The following TENM3 variants were observed in gnomAD, a reference collection of about 807,000 sequenced individuals.
The protein encoded by TENM3 is teneurin-3.
In TENM3, 63 loss-of-function variants were observed where a neutral mutation model predicts 255.1. The observed-to-expected ratio is 0.25, with a 90% confidence interval of 0.20 to 0.30. TENM3 has a LOEUF of 0.30. Ranked by LOEUF, TENM3 falls within the 10% of genes least tolerant of loss-of-function variation. The pLI is 1.00. For synonymous variants in TENM3, 1,306 were observed against 1,322.3 expected, an observed-to-expected ratio of 0.99 and a Z score of 0.27; for missense variants, 2,929 against 3,461.1, an observed-to-expected ratio of 0.85 and a Z score of 3.86.
intron 6 of TENM3, among the ~76,000 whole-genome samples, chr4:182,668,323 C>G (rs576866007): frequency 4.0e-4 from 61 of 152,166 alleles, no homozygotes; most frequent in Non-Finnish European, 7.4e-5. Context: ...TAAAGAAAGT[C>G]AACACATGAA....
chr4:182,541,434 T>A (rs1207100300), intron 3 of TENM3, among the ~76,000 whole-genome samples: 1 of 152,192 alleles, frequency 6.6e-6, no homozygotes, highest in African/African-American at 2.4e-5. Context: ...AACACAATCA[T>A]CCAACAATAT....
At chr4:182,559,247 T>G (rs189216867) in intron 3 of TENM3, among the ~76,000 whole-genome samples, 1 of 151,960 alleles carries the variant, frequency 6.6e-6, no homozygotes, top group East Asian at 1.9e-4. Context: ...AGATATTAAT[T>G]AATCCTGAGA....
the TENM3 span, among the ~76,000 whole-genome samples, chr4:181,520,423 A>ATG: frequency 2.0e-5 from 3 of 151,816 alleles, no homozygotes; most frequent in South Asian, 2.1e-4. Context: ...GTGTGTGTGT[A>ATG]TGTGTGTGTG....
the TENM3 span, among the ~76,000 whole-genome samples, chr4:181,825,761 G>T: frequency 1.3e-5 from 2 of 152,126 alleles, no homozygotes; most frequent in African/African-American, 4.8e-5. Context: ...ATAAAATGTG[G>T]TGAACATATG....
At chr4:181,696,435 T>C in the TENM3 span, among the ~76,000 whole-genome samples, 1 of 152,094 alleles carries the variant, frequency 6.6e-6, no homozygotes, top group African/African-American at 2.4e-5. Context: ...TACATGAAAA[T>C]TGTATTAGGA....
At chr4:181,899,595 GTCTC>G in the TENM3 span, among the ~76,000 whole-genome samples, 2 of 151,848 alleles carry the variant, frequency 1.3e-5, no homozygotes, top group East Asian at 3.9e-4. Context: ...TTGAGACAGA[GTCTC>G]TCTCTGTCAC....
At chr4:182,448,503 A>C (rs1397383705) in intron 3 of TENM3, among the ~76,000 whole-genome samples, 1 of 152,156 alleles carries the variant, frequency 6.6e-6, no homozygotes, top group Non-Finnish European at 1.5e-5. Flanking sequence ...GGGACGCATG[A>C]ATGGTGGCAG....
the TENM3 span, among the ~76,000 whole-genome samples, chr4:181,909,662 A>G: frequency 6.6e-6 from 1 of 152,204 alleles, no homozygotes; most frequent in Non-Finnish European, 1.5e-5. Context: ...TTAAAAAGCA[A>G]TATGATGCAA....
the TENM3 span, among the ~76,000 whole-genome samples, chr4:181,590,319 A>G: frequency 6.6e-6 from 1 of 152,272 alleles, no homozygotes; most frequent in South Asian, 2.1e-4. Context: ...CTCGAAGGAA[A>G]TTTCTACTTT....
intron 6 of TENM3, among the ~76,000 whole-genome samples, chr4:182,671,391 A>G (rs1755202466): frequency 6.6e-6 from 1 of 152,206 alleles, no homozygotes; most frequent in South Asian, 2.1e-4. Context: ...TTCCACGGCC[A>G]TGCTTGTGAT....
the TENM3 span, among the ~76,000 whole-genome samples, chr4:181,946,634 C>A: frequency 5.3e-5 from 8 of 152,118 alleles, no homozygotes; most frequent in African/African-American, 7.2e-5. Flanking sequence ...TTTATATCTC[C>A]CCTAGGTCCT....
chr4:182,600,641 C>T (rs762316571), intron 3 of TENM3, among the ~76,000 whole-genome samples: 104 of 151,788 alleles, frequency 6.9e-4, no homozygotes, highest in Admixed American at 1.1e-3. Flanking sequence ...GTTAATAAAA[C>T]CAGATGAAAA....
At chr4:181,507,099 T>G in the TENM3 span, among the ~76,000 whole-genome samples, 1 of 152,322 alleles carries the variant, frequency 6.6e-6, no homozygotes, top group South Asian at 2.1e-4. Context: ...TTGGTATCCG[T>G]ACCTGATCTC....
chr4:182,492,978 G>A (rs2151597062), intron 3 of TENM3, among the ~76,000 whole-genome samples: 1 of 152,074 alleles, frequency 6.6e-6, no homozygotes, highest in East Asian at 1.9e-4. Context: ...AGAAGTGAAA[G>A]GAAGGAGTGG....
the TENM3 span, among the ~76,000 whole-genome samples, chr4:181,676,328 G>T: frequency 6.6e-6 from 1 of 152,046 alleles, no homozygotes; most frequent in East Asian, 1.9e-4. Context: ...GGAAATCTGG[G>T]TTCTCTTTCA....
the TENM3 span, among the ~76,000 whole-genome samples, chr4:181,490,624 C>T: frequency 2.6e-5 from 4 of 152,184 alleles, no homozygotes; most frequent in Non-Finnish European, 4.4e-5. Flanking sequence ...TACAGAAACT[C>T]TTCCTCATTT....
chr4:182,514,581 A>C (rs542980524), intron 3 of TENM3, among the ~76,000 whole-genome samples: 15 of 152,286 alleles, frequency 9.8e-5, no homozygotes, highest in African/African-American at 3.4e-4. Context: ...ATATGATTTC[A>C]TATTTCACAG....
the TENM3 span, among the ~76,000 whole-genome samples, chr4:181,868,602 A>T: frequency 6.6e-6 from 1 of 152,174 alleles, no homozygotes; most frequent in Admixed American, 6.5e-5. Context: ...AAGATCAGCA[A>T]AGGTATTCAT....
intron 3 of TENM3, among the ~76,000 whole-genome samples, chr4:182,594,322 G>A (rs759598900): frequency 1.2e-4 from 18 of 152,018 alleles, no homozygotes; most frequent in African/African-American, 2.4e-4. Context: ...ATTTCTGATC[G>A]TAATTTTTCT....
Sources: gnomAD v4.1 joint callset for allele counts (sites outside exome capture counted in the v4.1 genomes callset) on GRCh38, gnomAD v4.1.1 for gene constraint, MANE v1.5 for transcripts, NCBI Gene and HGNC (gene_info 2026-07-23, HGNC 2026-07-21) for gene names.